The following NTM variants were observed in gnomAD, a reference collection of about 807,000 sequenced individuals.
The protein encoded by NTM is neurotrimin, also known as IgLON family member 2.
NTM carries 13 observed loss-of-function variants against 42.1 expected under a neutral mutation model. The ratio of observed to expected loss-of-function variants is 0.31; its 90% confidence interval spans 0.20 to 0.49. The LOEUF is 0.49. NTM is among the 20% of genes least tolerant of loss of function. The pLI is 0.99. For missense variants in NTM, 373 were observed against 452.8 expected (o/e 0.82, Z 1.60); for synonymous variants, 187 against 179.2 (o/e 1.04, Z -0.35).
At chr11:131,481,524 C>T (rs1953588001) in intron 1 of NTM, among the ~76,000 whole-genome samples, 2 of 152,194 alleles carry the variant, frequency 1.3e-5, no homozygotes, top group Non-Finnish European at 2.9e-5. Context: ...ATGTGGCCAG[C>T]AATGGCAAAC....
At chr11:131,538,377 C>T (rs2052612772) in intron 1 of NTM, 1 of 152,150 alleles carries the variant, frequency 6.6e-6, no homozygotes, top group Non-Finnish European at 1.5e-5. Flanking sequence ...TTGGTGTCTG[C>T]AGAATCTTAT....
At chr11:131,553,945 T>G (rs532561518) in intron 1 of NTM, among the ~76,000 whole-genome samples, 15 of 152,350 alleles carry the variant, frequency 9.8e-5, no homozygotes, top group African/African-American at 3.6e-4. Context: ...TCTTAACCTA[T>G]GAACCTGTTA....
At chr11:131,608,129 G>A (rs1280440358) in intron 1 of NTM, among the ~76,000 whole-genome samples, 2 of 152,096 alleles carry the variant, frequency 1.3e-5, no homozygotes, top group Non-Finnish European at 2.9e-5. Context: ...TCCCACCTAT[G>A]AGTGAGAACA....
intron 3 of NTM, among the ~76,000 whole-genome samples, chr11:132,171,194 C>T (rs544702329): frequency 2.6e-5 from 4 of 152,174 alleles, no homozygotes; most frequent in Non-Finnish European, 5.9e-5. Context: ...AGCACAAGCT[C>T]ACCGAGGTCA....
rs1156981053 is a variant in NTM at position 131,775,361 on chromosome 11, C to T, written c.83-136203C>T. ...TCACTTGGTTTTCGTTTTTGCTGTG[C>T]ATATCACTTGCTTAACAAGGAAAAA... On this transcript the variant is annotated intron_variant, in intron 1 of 8. Transcript: ENST00000683400. Among the ~76,000 whole-genome samples, 3 of 152,144 alleles carry T rather than the reference C, an allele frequency of 2.0e-5. 1 individual carries two copies. The highest frequency in any genetic ancestry group is 2.0e-4 in the Admixed American group (3 of 15,276).
At chr11:131,634,166 T>C (rs1001572768) in intron 1 of NTM, among the ~76,000 whole-genome samples, 7 of 152,144 alleles carry the variant, frequency 4.6e-5, no homozygotes, top group Non-Finnish European at 8.8e-5. Flanking sequence ...TGAAAAAGCA[T>C]TGGGTAATAT....
chr11:132,189,241 A>G (rs1414367669), intron 3 of NTM, among the ~76,000 whole-genome samples: 1 of 152,184 alleles, frequency 6.6e-6, no homozygotes, highest in Non-Finnish European at 1.5e-5. Flanking sequence ...GATCATGAAA[A>G]ATACAGCCAG....
chr11:132,149,426 A>ACAG (rs1200220235), intron 3 of NTM, among the ~76,000 whole-genome samples: 12 of 152,140 alleles, frequency 7.9e-5, no homozygotes. Flanking sequence ...AGAAATAAAA[A>ACAG]CAGCAACAAC....
intron 1 of NTM, among the ~76,000 whole-genome samples, chr11:131,429,445 C>A (rs1049882600): frequency 2.6e-5 from 4 of 152,098 alleles, no homozygotes; most frequent in African/African-American, 4.8e-5. Context: ...TTTTCACAGT[C>A]ATTTAGGAAC....
chr11:131,688,200 T>C (rs1315167760), intron 1 of NTM, among the ~76,000 whole-genome samples: 1 of 152,100 alleles, frequency 6.6e-6, no homozygotes, highest in Non-Finnish European at 1.5e-5. Context: ...GCCGCGAGGC[T>C]GCCTCCACCG....
chr11:131,875,416 T>G (rs994003149), intron 1 of NTM, among the ~76,000 whole-genome samples: 3 of 152,198 alleles, frequency 2.0e-5, no homozygotes, highest in African/African-American at 7.2e-5. Flanking sequence ...GGCTCTGAAT[T>G]TTTGGAATGT....
rs2305272 is a variant in NTM, at chr11:132,307,669, C to T, written c.527-20C>T. 283,584 of 1,613,026 alleles carry T rather than the reference C, an allele frequency of 0.18. 27,045 individuals are homozygous for T. Among genetic ancestry groups the T allele is most frequent in the East Asian group, 0.32 (14,227 of 44,838 alleles). ...TTTTTTTTCCTTGTATTTCACCACA[C>T]GTTACCGGTTTTCCCGCAGCGGTTG... On this transcript the variant is annotated intron_variant, in intron 4 of 8. Coordinates refer to ENST00000683400, the MANE Select transcript of NTM (RefSeq NM_001352005.2).
At chr11:132,045,973 A>C (rs2077928817) in intron 2 of NTM, among the ~76,000 whole-genome samples, 1 of 152,224 alleles carries the variant, frequency 6.6e-6, no homozygotes, top group Non-Finnish European at 1.5e-5. Flanking sequence ...GTGTGTAAAA[A>C]TAGAGTTGCT....
intron 1 of NTM, among the ~76,000 whole-genome samples, chr11:131,487,073 C>T (rs907929186): frequency 2.0e-5 from 3 of 152,208 alleles, no homozygotes; most frequent in African/African-American, 7.2e-5. Flanking sequence ...AACAGTGTTC[C>T]TGCTGCTGTC....
At chr11:132,208,839 C>T (rs558808648) in intron 3 of NTM, among the ~76,000 whole-genome samples, 3 of 152,212 alleles carry the variant, frequency 2.0e-5, no homozygotes, top group Non-Finnish European at 4.4e-5. Flanking sequence ...ATGGCATTGG[C>T]GTGACATAAT....
At chr11:132,134,015 T>TTTAA (rs1275632675) in intron 2 of NTM, among the ~76,000 whole-genome samples, 1 of 152,208 alleles carries the variant, frequency 6.6e-6, no homozygotes, top group Non-Finnish European at 1.5e-5. Context: ...TCTTTGTTTG[T>TTTAA]TTAATTAATT....
chr11:132,054,963 G>A (rs951003696), intron 2 of NTM, among the ~76,000 whole-genome samples: 15 of 152,188 alleles, frequency 9.9e-5, no homozygotes, highest in African/African-American at 4.8e-5. Context: ...GGGAGGAAAC[G>A]GTGGTACTGG....
intron 2 of NTM, among the ~76,000 whole-genome samples, chr11:132,123,503 G>T (rs1259616705): frequency 6.6e-6 from 1 of 152,200 alleles, no homozygotes; most frequent in Non-Finnish European, 1.5e-5. Flanking sequence ...GACAGAGGAA[G>T]CTGATCCAAG....
At chr11:132,115,815 A>G (rs762774216) in intron 2 of NTM, among the ~76,000 whole-genome samples, 33 of 152,196 alleles carry the variant, frequency 2.2e-4, no homozygotes, top group Non-Finnish European at 3.8e-4. Flanking sequence ...TTACCTGCAA[A>G]TCATTCACAC....
Sources: allele counts gnomAD v4.1 joint callset (sites outside exome capture counted in the v4.1 genomes callset), GRCh38; gene constraint gnomAD v4.1.1; transcripts MANE v1.5; gene names NCBI Gene and HGNC (gene_info 2026-07-23, HGNC 2026-07-21).